DPP6: variants seen among roughly 807,000 people sequenced by gnomAD.
DPP6 encodes A-type potassium channel modulatory protein DPP6.
A neutral mutation model predicts 122.6 loss-of-function variants in DPP6; 69 were observed. That is an observed-to-expected ratio of 0.56 (90% confidence interval 0.46 to 0.69). DPP6 has a LOEUF of 0.69. DPP6 is among the 30% of genes least tolerant of loss of function. The pLI is 0.00. For synonymous variants in DPP6, 418 were observed against 433.1 expected, an observed-to-expected ratio of 0.97 and a Z score of 0.43; for missense variants, 928 against 1,116.9, an observed-to-expected ratio of 0.83 and a Z score of 2.41.
intron 3 of DPP6, among the ~76,000 whole-genome samples, chr7:154,488,046 T>G (rs1823947237): frequency 6.7e-6 from 1 of 150,072 alleles, no homozygotes; most frequent in South Asian, 2.1e-4. Context: ...TGGGATAAAG[T>G]CTCAATAAAT....
intron 25 of DPP6, chr7:154,890,679 T>A (rs1806530006): frequency 6.6e-6 from 1 of 152,160 alleles, no homozygotes; most frequent in African/African-American, 2.4e-5. Flanking sequence ...GGGACACACA[T>A]GTGGGCACAG....
chr7:154,209,338 T>C (rs1799616156), intron 1 of DPP6, among the ~76,000 whole-genome samples: 1 of 152,214 alleles, frequency 6.6e-6, no homozygotes, highest in African/African-American at 2.4e-5. Flanking sequence ...GAGGGTTCCA[T>C]GTTGAAGCAG....
At chr7:154,226,468 C>T (rs778480867) in intron 1 of DPP6, among the ~76,000 whole-genome samples, 1 of 152,204 alleles carries the variant, frequency 6.6e-6, no homozygotes, top group African/African-American at 2.4e-5. Flanking sequence ...CAGTGCCCAT[C>T]ACTGTCAAGG....
At chr7:154,014,704 A>G (rs1012496139) in intron 1 of DPP6, among the ~76,000 whole-genome samples, 1 of 152,064 alleles carries the variant, frequency 6.6e-6, no homozygotes, top group African/African-American at 2.4e-5. Context: ...ATCATGGGCT[A>G]GCTACTCTGC....
chr7:154,810,097 C>G (rs1016965710), intron 16 of DPP6, among the ~76,000 whole-genome samples: 1 of 152,218 alleles, frequency 6.6e-6, no homozygotes, highest in African/African-American at 2.4e-5. Flanking sequence ...CTCAAATGTT[C>G]CACCTGCCTT....
At chr7:153,787,892 G>A in the DPP6 span, among the ~76,000 whole-genome samples, 2 of 149,700 alleles carry the variant, frequency 1.3e-5, no homozygotes, top group African/African-American at 2.5e-5. Flanking sequence ...TAACTGAAAG[G>A]GTATTTCTTA....
chr7:154,592,307 T>C (rs1440376173), intron 5 of DPP6, among the ~76,000 whole-genome samples: 1 of 152,236 alleles, frequency 6.6e-6, no homozygotes, highest in Non-Finnish European at 1.5e-5. Flanking sequence ...AGAAAGAAGA[T>C]GCATTTAAAA....
At chr7:154,437,332 T>C (rs1020653666) in intron 1 of DPP6, among the ~76,000 whole-genome samples, 4 of 152,208 alleles carry the variant, frequency 2.6e-5, no homozygotes, top group African/African-American at 9.6e-5. Context: ...AGCTTTCTTT[T>C]TGAGTAATTT....
At chr7:153,872,598 A>G in the DPP6 span, among the ~76,000 whole-genome samples, 1 of 152,212 alleles carries the variant, frequency 6.6e-6, no homozygotes, top group African/African-American at 2.4e-5. Context: ...CCTGTTTTTC[A>G]TAAATTAATC....
chr7:154,817,710 G>A (rs1422060577), intron 16 of DPP6, among the ~76,000 whole-genome samples: 2 of 152,018 alleles, frequency 1.3e-5, no homozygotes, highest in Non-Finnish European at 2.9e-5. Context: ...CATCATGAGT[G>A]ATTGATGCCA....
intron 6 of DPP6, among the ~76,000 whole-genome samples, chr7:154,664,835 C>CA (rs916950204): frequency 6.6e-4 from 100 of 151,978 alleles, no homozygotes; most frequent in African/African-American, 2.4e-3. Flanking sequence ...AAAAGTAGTG[C>CA]AAAAAAATCT....
chr7:153,950,278 A>G (rs1313318791), intron 1 of DPP6, among the ~76,000 whole-genome samples: 1 of 152,152 alleles, frequency 6.6e-6, no homozygotes, highest in East Asian at 1.9e-4. Context: ...AAGGGAGTCC[A>G]GGCAGAGATG....
intron 13 of DPP6, among the ~76,000 whole-genome samples, chr7:154,803,132 C>A (rs1435824291): frequency 6.6e-6 from 1 of 152,210 alleles, no homozygotes; most frequent in Non-Finnish European, 1.5e-5. Context: ...CTGCAGCCCA[C>A]AGAGTGTGTG....
intron 2 of DPP6, among the ~76,000 whole-genome samples, 176 bp from the exon 3 acceptor site, chr7:154,474,763 G>C (rs1413286586): frequency 6.6e-6 from 1 of 152,126 alleles, no homozygotes; most frequent in Non-Finnish European, 1.5e-5. Context: ...CTTAGCATAG[G>C]TTTTGATAGT....
intron 1 of DPP6, among the ~76,000 whole-genome samples, chr7:153,952,144 T>C (rs1802247949): frequency 6.6e-6 from 1 of 152,228 alleles, no homozygotes; most frequent in Admixed American, 6.5e-5. Context: ...TGTGGTAGAA[T>C]GTAGACCTCT....
chr7:154,459,588 G>T (rs1821095381), intron 2 of DPP6, among the ~76,000 whole-genome samples: 1 of 151,928 alleles, frequency 6.6e-6, no homozygotes, highest in South Asian at 2.1e-4. Context: ...TCAGCACTTT[G>T]GGAGGCCGAG....
At chr7:154,325,425 C>T (rs58313725) in intron 1 of DPP6, among the ~76,000 whole-genome samples, 3,722 of 152,242 alleles carry the variant, frequency 0.024, 138 homozygotes, top group African/African-American at 0.083. Context: ...AATCTTGAGC[C>T]TCAAGTGCCC....
chr7:154,708,610 A>G (rs1449174370), intron 7 of DPP6, among the ~76,000 whole-genome samples: 1 of 152,236 alleles, frequency 6.6e-6, no homozygotes, highest in African/African-American at 2.4e-5. Flanking sequence ...TATCAGAGAC[A>G]CAGGTGAAAA....
chr7:154,418,670 C>A lies in DPP6; in HGVS notation c.244-27544C>A, dbSNP rs1817222731. Among the ~76,000 whole-genome samples the A allele has an allele frequency of 2.0e-5, 3 of 152,186 alleles. No homozygotes were observed. In the South Asian group the frequency reaches 6.2e-4, roughly 32 times the overall value. ...CCTCTCCCTGCTCCCTACTTTACAACCAGATTATATTACTTCTGCCCTCCT... is the reference window on the plus strand; with the variant it reads ...CCTCTCCCTGCTCCCTACTTTACAAACAGATTATATTACTTCTGCCCTCCT... On this transcript the variant is annotated intron_variant, in intron 1 of 25. Coordinates refer to ENST00000377770, the MANE Select transcript of DPP6 (RefSeq NM_130797.4).
Sources: allele counts gnomAD v4.1 joint callset (sites outside exome capture counted in the v4.1 genomes callset), GRCh38; gene constraint gnomAD v4.1.1; transcripts MANE v1.5; gene names NCBI Gene and HGNC (gene_info 2026-07-23, HGNC 2026-07-21).